MTR: variants seen among roughly 807,000 people sequenced by gnomAD.
The protein encoded by MTR is 5-methyltetrahydrofolate-homocysteine methyltransferase.
Under a neutral mutation model 154.8 loss-of-function variants are expected in MTR, and 84 were observed. That is an observed-to-expected ratio of 0.54 (90% CI 0.45 to 0.65). The LOEUF (loss-of-function observed/expected upper bound fraction) is 0.65, where lower values mean the gene tolerates loss of function less well. MTR is among the 30% of genes least tolerant of loss of function. The pLI is 0.00. For missense variants in MTR, 1,275 were observed against 1,570.2 expected, an observed-to-expected ratio of 0.81 and a Z score of 3.18; for synonymous variants, 554 against 553.9, an observed-to-expected ratio of 1.00 and a Z score of 0.00.
At chr1:236,887,468 A>G (rs1381592480) in intron 27 of MTR, among the ~76,000 whole-genome samples, 12 of 152,354 alleles carry the variant, frequency 7.9e-5, no homozygotes, top group Non-Finnish European at 2.9e-5. Context: ...CCTTTGAAAA[A>G]ATATAAATTG....
chr1:236,847,485 GC>G (rs1663650416), intron 15 of MTR, among the ~76,000 whole-genome samples: 1 of 152,204 alleles, frequency 6.6e-6, no homozygotes. Flanking sequence ...CTTAAGTAAA[GC>G]CTTCTACTCA....
chr1:236,894,815 C>T (rs1666531673), intron 30 of MTR: 2 of 527,544 alleles, frequency 3.8e-6, no homozygotes, highest in Admixed American at 6.7e-5. Flanking sequence ...GCCTTTATCT[C>T]TACCTTATCT....
chr1:236,850,810 C>T (rs767614597), intron 16 of MTR, among the ~76,000 whole-genome samples: 27 of 152,010 alleles, frequency 1.8e-4, no homozygotes, highest in Non-Finnish European at 2.6e-4. Flanking sequence ...CTAGCCTGGG[C>T]GACAGAGTGA....
At chr1:236,798,343 T>C (rs974686204) in intron 1 of MTR, among the ~76,000 whole-genome samples, 3 of 152,240 alleles carry the variant, frequency 2.0e-5, no homozygotes, top group Non-Finnish European at 4.4e-5. Flanking sequence ...TGTCATTCTT[T>C]AGGCTAGTTC....
chr1:236,880,142 C>T (rs1428996385), intron 24 of MTR, among the ~76,000 whole-genome samples: 1 of 152,190 alleles, frequency 6.6e-6, no homozygotes, highest in Admixed American at 6.5e-5. Context: ...GCCTGGGTGA[C>T]AGAGCTCCGT....
chr1:236,852,217 G>A (rs968973935), intron 16 of MTR, among the ~76,000 whole-genome samples: 1 of 151,872 alleles, frequency 6.6e-6, no homozygotes, highest in Non-Finnish European at 1.5e-5. Flanking sequence ...CTAGTAATTT[G>A]TACTTTCAGT....
intron 29 of MTR, 116 bp downstream of exon 29, chr1:236,891,445 C>A: frequency 9.1e-7 from 1 of 1,098,240 alleles, no homozygotes; most frequent in Non-Finnish European, 1.4e-6. Flanking sequence ...TGACCAATCA[C>A]ATGCCCAAGA....
At chr1:236,826,605 A>C (rs1662302443) in intron 10 of MTR, among the ~76,000 whole-genome samples, 2 of 152,170 alleles carry the variant, frequency 1.3e-5, no homozygotes, top group African/African-American at 2.4e-5. Flanking sequence ...CTCTCACTGC[A>C]TTTTAAATGG....
In MTR at chr1:236,897,270, T is replaced by TA. The variant is rs765758152; in HGVS notation, c.3711+152_3711+153insA. On this transcript the variant is annotated intron_variant, in intron 32 of 32. Transcript: ENST00000366577. ...CTTAATTTGATTTCAATAGAATACCTCTATTCTAGCCCTCACTTCTACATG... is the reference window on the plus strand; with the variant it reads ...CTTAATTTGATTTCAATAGAATACCTACTATTCTAGCCCTCACTTCTACATG... The TA allele has an allele frequency of 8.8e-4, 574 of 654,094 alleles. 4 individuals are homozygous for TA. Among genetic ancestry groups the TA allele is most frequent in the Non-Finnish European group, 4.0e-4 (149 of 370,140 alleles). The allele number at this position is 654,094 out of a possible 1,614,324, so 40.5% of individuals were successfully genotyped here.
Position 236,812,767 on chromosome 1 carries a change from G to A in MTR, c.532G>A (p.Glu178Lys). 1.2e-6 allele frequency: 2 copies of A among 1,614,096 alleles called. No individual in the cohort carries two copies. The highest frequency in any genetic ancestry group is 1.7e-6 in the Non-Finnish European group (2 of 1,179,986). Residue 178 changes from glutamate to lysine, a missense_variant, in exon 6 of 33, where the codon GAG becomes AAG. By Grantham distance (56) the Glu-to-Lys change is moderately conservative (BLOSUM62 1). Coordinates refer to ENST00000366577, the MANE Select transcript of MTR (RefSeq NM_000254.3). Reference protein sequence around the residue: ...TFDELVEAYQEQAKGLLDGGV... With the variant: ...TFDELVEAYQKQAKGLLDGGV... ...TGATGAGCTTGTTGAAGCATACCAA[G>A]AGCAGGCCAAAGGACTTCTGGATGG...
At position 236,897,931 on chromosome 1, in the gene MTR, G is replaced by T; in HGVS notation, c.*287G>T. 2.7e-6 allele frequency: 1 copy of T among 375,574 alleles called. No homozygotes were observed. The highest frequency in any genetic ancestry group is 4.8e-6 in the Non-Finnish European group (1 of 208,550). 23.3% of individuals were successfully genotyped at this position (375,574 alleles called of 1,614,324 possible). On this transcript the variant is annotated 3_prime_UTR_variant, in exon 33 of 33. Transcript: ENST00000366577. ...TGGGGACAGACTGAAGACAGAGGTC[G>T]TTTGATTTCAAAGCAAGTCAACCTG...
chr1:236,886,032 C>G (rs547042138), intron 26 of MTR, among the ~76,000 whole-genome samples: 1 of 152,314 alleles, frequency 6.6e-6, no homozygotes, highest in East Asian at 1.9e-4. Context: ...CCTAGTACCT[C>G]AGGTTCAGGC....
In MTR at chr1:236,843,278, T is replaced by C. The variant is rs1179119956; in HGVS notation, c.1515+4679T>C. Among the ~76,000 whole-genome samples the C allele has an allele frequency of 2.0e-5, 3 of 152,186 alleles. No individual in the cohort carries two copies. The East Asian group carries it at 5.8e-4, about 29-fold the overall frequency. ...AGCCTAGGTGAGCCATGTGAAAATGTAGGGGAAGAGTGTTCTTTGCAGAGG... is the reference window on the plus strand; with the variant it reads ...AGCCTAGGTGAGCCATGTGAAAATGCAGGGGAAGAGTGTTCTTTGCAGAGG... On this transcript the variant is annotated intron_variant, in intron 15 of 32. Coordinates refer to ENST00000366577, the MANE Select transcript of MTR (RefSeq NM_000254.3).
chr1:236,897,109 C>A lies in MTR; in HGVS notation c.3702C>A (p.Ser1234=), dbSNP rs1666667326. 5.0e-6 allele frequency: 8 copies of A among 1,610,668 alleles called. No homozygotes were observed. Among genetic ancestry groups the A allele is most frequent in the Non-Finnish European group, 5.9e-6 (7 of 1,176,998 alleles). Residue 1234 remains serine (S), a synonymous_variant, in exon 32 of 33, where the codon TCC becomes TCA. Transcript: ENST00000366577. ...KSKYFAVGKI[S]KDQVEDYALR... The stretch of plus-strand genomic sequence containing the variant: ...AATATTTTGCTGTGGGGAAGATTTC[C>A]AAGGATCAGGTAAGCTAGCTGTTGC...
chr1:236,833,644 G>T (rs1159995972), intron 13 of MTR, among the ~76,000 whole-genome samples: 2 of 152,180 alleles, frequency 1.3e-5, no homozygotes, highest in African/African-American at 4.8e-5. Flanking sequence ...TTAGAGTCTA[G>T]CTCTTATGAC....
At chr1:236,846,225 A>G (rs1403836523) in intron 15 of MTR, among the ~76,000 whole-genome samples, 1 of 152,232 alleles carries the variant, frequency 6.6e-6, no homozygotes, top group Non-Finnish European at 1.5e-5. Flanking sequence ...TTTATTATTG[A>G]AATTTCTATG....
intron 24 of MTR, among the ~76,000 whole-genome samples, chr1:236,876,381 T>C (rs1490770989): frequency 6.6e-6 from 1 of 152,208 alleles, no homozygotes; most frequent in East Asian, 1.9e-4. Context: ...GCAGACTTGG[T>C]CTCAAGGGAT....
Position 236,852,654 on chromosome 1 carries a change from C to G in MTR, c.1812+17C>G. On this transcript the variant is annotated intron_variant, in intron 17 of 32. Transcript: ENST00000366577. ...GCAATCAAGGTATGGTAGAAGAACT[C>G]TTAGCCCTGCGGAAACCAGTTTTTA... is the stretch of plus-strand genomic sequence containing the variant. 1 of 1,606,482 alleles carries G rather than the reference C, an allele frequency of 6.2e-7. No individual in the cohort carries two copies. Among genetic ancestry groups the G allele is most frequent in the South Asian group, 1.1e-5 (1 of 90,926 alleles).
chr1:236,816,178 G>A (rs1431870955), intron 7 of MTR, among the ~76,000 whole-genome samples: 5 of 152,184 alleles, frequency 3.3e-5, no homozygotes, highest in Non-Finnish European at 7.3e-5. Context: ...AATGAGACTG[G>A]ATGTGTGAAT....
Sources: gnomAD v4.1 joint callset for allele counts (sites outside exome capture counted in the v4.1 genomes callset) on GRCh38, gnomAD v4.1.1 for gene constraint, MANE v1.5 for transcripts, NCBI Gene and HGNC (gene_info 2026-07-23, HGNC 2026-07-21) for gene names.